The following RBM33 variants were observed in gnomAD, a reference collection of about 807,000 sequenced individuals.
RBM33 encodes the protein RNA binding motif protein 33.
A neutral mutation model predicts 132.6 loss-of-function variants in RBM33; 28 were observed. That is an observed-to-expected ratio of 0.21 (90% CI 0.16 to 0.29). The LOEUF (loss-of-function observed/expected upper bound fraction) is 0.29, where lower values mean the gene tolerates loss of function less well. Ranked by LOEUF, RBM33 falls within the 10% of genes least tolerant of loss-of-function variation. The pLI is 1.00. For missense variants in RBM33, 1,291 were observed against 1,518.5 expected (o/e 0.85, Z 2.49); for synonymous variants, 634 against 593.0 (o/e 1.07, Z -1.01).
At chr7:155,654,363 C>G (rs1414562822) in intron 1 of RBM33, among the ~76,000 whole-genome samples, 1 of 151,832 alleles carries the variant, frequency 6.6e-6, no homozygotes, top group Non-Finnish European at 1.5e-5. Flanking sequence ...CTTTGTTTTA[C>G]CATTGTTTAT....
chr7:155,667,316 G>A (rs1214549768), intron 2 of RBM33, among the ~76,000 whole-genome samples: 8 of 152,050 alleles, frequency 5.3e-5, no homozygotes, highest in South Asian at 2.1e-4. Context: ...GTGTAGTGGC[G>A]TGATCATAGC....
chr7:155,765,810 C>T (rs1430112523), intron 15 of RBM33, among the ~76,000 whole-genome samples: 1 of 152,162 alleles, frequency 6.6e-6, no homozygotes, highest in Non-Finnish European at 1.5e-5. Flanking sequence ...AATGCTTAGG[C>T]CCGCCTTAGA....
chr7:155,736,451 T>C (rs1467481089), intron 9 of RBM33, among the ~76,000 whole-genome samples: 3 of 152,252 alleles, frequency 2.0e-5, no homozygotes, highest in African/African-American at 7.2e-5. Context: ...TCTTTACCTT[T>C]ATGCTGCTGC....
At chr7:155,748,459 A>G (rs1004702829) in intron 14 of RBM33, among the ~76,000 whole-genome samples, 1 of 152,242 alleles carries the variant, frequency 6.6e-6, no homozygotes, top group African/African-American at 2.4e-5. Flanking sequence ...TCACATGTTT[A>G]TGAAAGCACA....
chr7:155,688,950 C>T (rs1305117626), intron 5 of RBM33, among the ~76,000 whole-genome samples: 1 of 152,182 alleles, frequency 6.6e-6, no homozygotes, highest in Non-Finnish European at 1.5e-5. Flanking sequence ...TGTTGTGTCT[C>T]TGCCAGGCTT....
chr7:155,712,002 A>G (rs895872946), intron 8 of RBM33, among the ~76,000 whole-genome samples: 2 of 152,236 alleles, frequency 1.3e-5, no homozygotes, highest in Non-Finnish European at 2.9e-5. Context: ...TTGATGGGTC[A>G]AGTATATTTC....
rs554928158 is a variant in RBM33, at chr7:155,648,394, G to GT, written c.43+3481dup. Among the ~76,000 whole-genome samples, 14 of 152,282 alleles carry GT rather than the reference G, an allele frequency of 9.2e-5. No individual in the cohort carries two copies. In the East Asian group the frequency reaches 2.7e-3, roughly 29 times the overall value. On this transcript the variant is annotated intron_variant, in intron 1 of 17. Coordinates refer to ENST00000401878, the MANE Select transcript of RBM33 (RefSeq NM_053043.3). ...GAAAGGGAAGTAGACTCGAATTCAG[G>GT]TTTTTTGACTTCTAGTTCAGTGTTC...
intron 5 of RBM33, among the ~76,000 whole-genome samples, chr7:155,697,977 A>G (rs746671771): frequency 7.9e-5 from 12 of 152,234 alleles, no homozygotes; most frequent in Non-Finnish European, 1.8e-4. Flanking sequence ...TGTTTACACA[A>G]CATAATCTTA....
At chr7:155,717,651 T>C (rs1476879934) in intron 8 of RBM33, among the ~76,000 whole-genome samples, 1 of 152,190 alleles carries the variant, frequency 6.6e-6, no homozygotes, top group Non-Finnish European at 1.5e-5. Context: ...ACTTAGATTG[T>C]GAGTTTCTTT....
intron 9 of RBM33, among the ~76,000 whole-genome samples, chr7:155,719,293 T>C (rs573781868): frequency 8.1e-4 from 123 of 152,162 alleles, no homozygotes; most frequent in Non-Finnish European, 1.5e-3. Flanking sequence ...TTTCAGGGAG[T>C]ATCTAAATGG....
At chr7:155,657,066 T>A (rs973006842) in intron 1 of RBM33, among the ~76,000 whole-genome samples, 1 of 152,138 alleles carries the variant, frequency 6.6e-6, no homozygotes, top group African/African-American at 2.4e-5. Context: ...GTTTCATGAC[T>A]CTTCATTTGT....
chr7:155,759,481 G>A (rs1430913003), intron 14 of RBM33, among the ~76,000 whole-genome samples: 1 of 145,020 alleles, frequency 6.9e-6, no homozygotes, highest in Non-Finnish European at 1.5e-5. Flanking sequence ...GCAGTGGTGC[G>A]ATCTCGGCTC....
At chr7:155,725,807 A>G (rs964935012) in intron 9 of RBM33, among the ~76,000 whole-genome samples, 15 of 152,152 alleles carry the variant, frequency 9.9e-5, no homozygotes, top group Non-Finnish European at 2.1e-4. Flanking sequence ...ATTTAAATTC[A>G]TGTGGTGTTT....
chr7:155,756,217 C>T (rs1482982149), intron 14 of RBM33, among the ~76,000 whole-genome samples: 1 of 152,170 alleles, frequency 6.6e-6, no homozygotes, highest in Non-Finnish European at 1.5e-5. Context: ...TTTGAATCAA[C>T]AGTATTTTAA....
chr7:155,694,193 A>C (rs1187308563), intron 5 of RBM33, among the ~76,000 whole-genome samples: 1 of 152,230 alleles, frequency 6.6e-6, no homozygotes, highest in Non-Finnish European at 1.5e-5. Context: ...AGCCTATTTT[A>C]GGTGACTCCT....
intron 1 of RBM33, among the ~76,000 whole-genome samples, chr7:155,652,612 A>C (rs9638120): frequency 0.64 from 96,904 of 152,106 alleles, 31,949 homozygotes; most frequent in South Asian, 0.76. Flanking sequence ...AATTGTAGAA[A>C]TCTAGTAGAT....
intron 1 of RBM33, among the ~76,000 whole-genome samples, chr7:155,654,321 A>AT (rs960602649): frequency 1.3e-5 from 2 of 150,642 alleles, no homozygotes; most frequent in Admixed American, 6.6e-5. Context: ...TGCTAACCAC[A>AT]TTTTTTTTTC....
At chr7:155,696,186 C>T (rs1799790104) in intron 5 of RBM33, among the ~76,000 whole-genome samples, 1 of 152,168 alleles carries the variant, frequency 6.6e-6, no homozygotes, top group African/African-American at 2.4e-5. Flanking sequence ...TGTAAATCCA[C>T]TAATTTTATT....
intron 7 of RBM33, among the ~76,000 whole-genome samples, chr7:155,709,609 G>C (rs1800220003): frequency 6.6e-6 from 1 of 152,176 alleles, no homozygotes; most frequent in Non-Finnish European, 1.5e-5. Flanking sequence ...CTTTCCCTCA[G>C]AACTCTGTGG....
Sources: allele counts gnomAD v4.1 joint callset (sites outside exome capture counted in the v4.1 genomes callset), GRCh38; gene constraint gnomAD v4.1.1; transcripts MANE v1.5; gene names NCBI Gene and HGNC (gene_info 2026-07-23, HGNC 2026-07-21).